INSL6: variants seen among roughly 807,000 people sequenced by gnomAD.
INSL6 encodes insulin like 6.
A neutral mutation model predicts 9.4 loss-of-function variants in INSL6; 16 were observed. That is an observed-to-expected ratio of 1.70 (90% CI 1.15 to 2.59). The LOEUF is 2.59. Ranked by LOEUF, INSL6 falls within the 30% of genes most tolerant of loss-of-function variation. The pLI is 0.00. For synonymous variants in INSL6, 154 were observed against 96.9 expected, an observed-to-expected ratio of 1.59 and a Z score of -3.46; for missense variants, 391 against 257.3, an observed-to-expected ratio of 1.52 and a Z score of -3.56.
At chr9:5,042,969 C>T in the INSL6 span, among the ~76,000 whole-genome samples, 1 of 152,214 alleles carries the variant, frequency 6.6e-6, no homozygotes, top group Admixed American at 6.5e-5. Context: ...GGCTGTGCTC[C>T]GACCCTCAGA....
the INSL6 span, among the ~76,000 whole-genome samples, chr9:5,006,186 G>A: frequency 3.1e-4 from 47 of 152,220 alleles, no homozygotes; most frequent in African/African-American, 1.1e-3. Flanking sequence ...GTGGTTTGTA[G>A]TTCTCCTTGA....
chr9:5,069,242 G>C, the INSL6 span: 3 of 1,431,560 alleles, frequency 2.1e-6, no homozygotes, highest in African/African-American at 2.8e-5. Context: ...TTAAATTACT[G>C]GTCATGGATT....
At chr9:5,039,957 G>T in the INSL6 span, among the ~76,000 whole-genome samples, 2 of 152,130 alleles carry the variant, frequency 1.3e-5, no homozygotes, top group East Asian at 3.9e-4. Context: ...AAATTGACAG[G>T]TTAATCATAA....
At chr9:5,083,928 A>G in the INSL6 span, among the ~76,000 whole-genome samples, 2,891 of 152,266 alleles carry the variant, frequency 0.019, 80 homozygotes, top group African/African-American at 0.065. Flanking sequence ...ACAATTCTAT[A>G]TCTTGCTATT....
At chr9:5,044,307 T>A in the INSL6 span, 1 of 763,770 alleles carries the variant, frequency 1.3e-6, no homozygotes, top group Non-Finnish European at 2.3e-6. Context: ...AAGTATGGGA[T>A]AATACCTTTC....
the INSL6 span, chr9:5,066,669 T>A: frequency 6.7e-7 from 1 of 1,492,612 alleles, no homozygotes; most frequent in Non-Finnish European, 9.3e-7. Flanking sequence ...GCTTCTTCTT[T>A]ACCTTTAGGA....
the INSL6 span, among the ~76,000 whole-genome samples, chr9:5,042,295 G>A: frequency 3.3e-5 from 5 of 151,474 alleles, no homozygotes; most frequent in African/African-American, 1.2e-4. Flanking sequence ...CCGCCACCGC[G>A]CCCGGCTAAT....
At chr9:5,024,038 C>T in the INSL6 span, among the ~76,000 whole-genome samples, 2 of 152,114 alleles carry the variant, frequency 1.3e-5, no homozygotes, top group African/African-American at 4.8e-5. Flanking sequence ...AGGCAGATCA[C>T]AAGATCAGGA....
the INSL6 span, among the ~76,000 whole-genome samples, chr9:5,107,058 C>T: frequency 2.0e-5 from 3 of 152,174 alleles, no homozygotes; most frequent in South Asian, 6.2e-4. Flanking sequence ...ACTTTACATC[C>T]AACCAGCACT....
chr9:5,004,752 T>C, the INSL6 span, among the ~76,000 whole-genome samples: 3 of 152,300 alleles, frequency 2.0e-5, no homozygotes, highest in South Asian at 6.2e-4. Context: ...ACCAAGAGTA[T>C]ACAAGAGTTT....
chr9:5,149,315 G>A (rs1406456223), intron 2 of INSL6, among the ~76,000 whole-genome samples: 1 of 152,152 alleles, frequency 6.6e-6, no homozygotes, highest in African/African-American at 2.4e-5. Context: ...CACCTTCAGT[G>A]TTTTCTTTCT....
chr9:5,009,181 G>C, the INSL6 span, among the ~76,000 whole-genome samples: 1 of 152,204 alleles, frequency 6.6e-6, no homozygotes, highest in African/African-American at 2.4e-5. Flanking sequence ...AGCAAATTGG[G>C]TGGTCCGAGG....
chr9:5,025,414 C>A, the INSL6 span, among the ~76,000 whole-genome samples: 1 of 152,128 alleles, frequency 6.6e-6, no homozygotes, highest in East Asian at 1.9e-4. Flanking sequence ...CTTGTCTGGG[C>A]CTGATGGTGG....
the INSL6 span, among the ~76,000 whole-genome samples, chr9:5,051,496 G>C: frequency 6.6e-6 from 1 of 152,150 alleles, no homozygotes; most frequent in Non-Finnish European, 1.5e-5. Flanking sequence ...CAGTAAATCT[G>C]AGTTGAAGCC....
At chr9:5,091,717 C>CTT in the INSL6 span, 1 of 152,032 alleles carries the variant, frequency 6.6e-6, no homozygotes, top group East Asian at 1.9e-4. Context: ...CAAACTGGGT[C>CTT]TAGTAGAAGT....
chr9:4,994,608 G>A, the INSL6 span, among the ~76,000 whole-genome samples: 37 of 152,252 alleles, frequency 2.4e-4, no homozygotes, highest in Non-Finnish European at 4.7e-4. Context: ...ACTCAATTCC[G>A]CCTTTGTGGT....
the INSL6 span, among the ~76,000 whole-genome samples, chr9:5,045,352 A>G: frequency 6.6e-6 from 1 of 152,210 alleles, no homozygotes; most frequent in East Asian, 1.9e-4. Flanking sequence ...TGAACAACAA[A>G]AGGAAAAACA....
the INSL6 span, among the ~76,000 whole-genome samples, chr9:5,071,558 A>G: frequency 6.6e-6 from 1 of 152,216 alleles, no homozygotes; most frequent in Admixed American, 6.5e-5. Context: ...TAAATTACTT[A>G]TAGCTGAAGA....
At chr9:5,124,125 A>T (rs1823818371) in exon 4 of INSL6, among the ~76,000 whole-genome samples, 1 of 151,810 alleles carries the variant, frequency 6.6e-6, no homozygotes, top group East Asian at 1.9e-4. Flanking sequence ...TGTCAGATAC[A>T]AAGTTTGCAA....
Sources: allele counts gnomAD v4.1 joint callset (sites outside exome capture counted in the v4.1 genomes callset), GRCh38; gene constraint gnomAD v4.1.1; transcripts MANE v1.5; gene names NCBI Gene and HGNC (gene_info 2026-07-23, HGNC 2026-07-21).